The following AXIN1 variants were observed in gnomAD, a reference collection of about 807,000 sequenced individuals.
AXIN1 encodes axin-1.
In AXIN1, 30 loss-of-function variants were observed where a neutral mutation model predicts 76.4. That is an observed-to-expected ratio of 0.39 (90% CI 0.29 to 0.53). The LOEUF is 0.53. Ranked by LOEUF, AXIN1 falls within the 20% of genes least tolerant of loss-of-function variation. The pLI is 0.66. For missense variants in AXIN1, 1,140 were observed against 1,198.8 expected, an observed-to-expected ratio of 0.95 and a Z score of 0.72; for synonymous variants, 545 against 501.4, an observed-to-expected ratio of 1.09 and a Z score of -1.16.
intron 3 of AXIN1, among the ~76,000 whole-genome samples, chr16:311,754 G>A (rs1243614596): frequency 6.6e-6 from 1 of 152,126 alleles, no homozygotes; most frequent in African/African-American, 2.4e-5. Context: ...CTGGGCAACA[G>A]AGCAAGACTA....
rs2052493398 is a variant in AXIN1, at chr16:289,561, C to A, written c.2341G>T (p.Asp781Tyr). The stretch of plus-strand genomic sequence containing the variant: ...AAGTAGTACGCCACAACGATGCTGT[C>A]ACACGGCTGGGCACTCCCGCCGCCC... The part of the protein sequence containing the change: ...KVGGGSAQPC[D>Y]SIVVAYYFCG... The change falls in exon 10 of 11, where the codon GAC (aspartate) becomes TAC (tyrosine). Residue 781 changes from aspartate (D) to tyrosine (Y), a missense_variant. Around this residue, in one of 3 missense-constraint regions of AXIN1, gnomAD observed 429 missense variants for 405.8 expected, o/e 1.06. Transcript: ENST00000262320. The A allele has an allele frequency of 6.2e-7, 1 of 1,613,010 alleles. No homozygotes were observed. Among genetic ancestry groups the A allele is most frequent in the East Asian group, 2.2e-5 (1 of 44,880 alleles).
At chr16:339,773 C>A (rs1298733348) in intron 2 of AXIN1, among the ~76,000 whole-genome samples, 1 of 152,160 alleles carries the variant, frequency 6.6e-6, no homozygotes, top group Non-Finnish European at 1.5e-5. Context: ...GCAAGGGGAG[C>A]CCACGCAAGG....
At chr16:297,371 C>T in intron 6 of AXIN1, 145 bp from the exon 7 acceptor site, 2 of 1,054,344 alleles carry the variant, frequency 1.9e-6, no homozygotes, top group Non-Finnish European at 2.8e-6. Flanking sequence ...TGTCCCCCAC[C>T]CGCTGTCCCC....
At chr16:329,272 CAAAAA>C (rs1176095680) in intron 2 of AXIN1, among the ~76,000 whole-genome samples, 2,431 of 71,308 alleles carry the variant, frequency 0.034, 58 homozygotes, top group African/African-American at 0.12. Context: ...GCGAGACTGT[CAAAAA>C]AAAAAAAAAA....
intron 2 of AXIN1, among the ~76,000 whole-genome samples, chr16:332,062 G>A (rs1005121340): frequency 1.5e-4 from 23 of 152,056 alleles, no homozygotes; most frequent in Non-Finnish European, 1.6e-4. Flanking sequence ...TTAGGGGCTC[G>A]CGGATGGCCT....
intron 1 of AXIN1, among the ~76,000 whole-genome samples, chr16:349,015 A>G (rs1222615656): frequency 1.3e-5 from 2 of 151,696 alleles, no homozygotes; most frequent in South Asian, 2.1e-4. Flanking sequence ...GGAGAATGGC[A>G]TGAACCCGGG....
At chr16:304,614 A>G (rs1381621659) in intron 4 of AXIN1, among the ~76,000 whole-genome samples, 173 bp from the exon 5 acceptor site, 1 of 152,106 alleles carries the variant, frequency 6.6e-6, no homozygotes. Context: ...GGCTCACTGC[A>G]ACCTCTGCTT....
intron 8 of AXIN1, chr16:292,049 A>G (rs1259390287): frequency 2.0e-5 from 3 of 153,284 alleles, no homozygotes; most frequent in African/African-American, 7.2e-5. Flanking sequence ...ATCCCCTGCC[A>G]TCATGTGGGG....
In AXIN1 at chr16:297,987, C is replaced by T. The variant is rs2141512616; in HGVS notation, c.1519G>A (p.Gly507Arg). The change falls in exon 6 of 11, where the codon GGG becomes AGG. Residue 507 changes from glycine to arginine, a missense_variant. Coordinates refer to ENST00000262320, the MANE Select transcript of AXIN1 (RefSeq NM_003502.4). ...TTCCCGTGCCCCGAGGCGGCACCCC[C>T]CAGTGCCACTGGCATCTTGGCCACG... ...GHVAKMPVAL[G>R]GAASGHGKHV... The T allele has an allele frequency of 1.2e-6, 2 of 1,601,632 alleles. No individual in the cohort carries two copies.
intron 2 of AXIN1, among the ~76,000 whole-genome samples, chr16:329,542 C>A (rs992586092): frequency 5.3e-5 from 8 of 151,768 alleles, no homozygotes; most frequent in Non-Finnish European, 1.0e-4. Flanking sequence ...GCCTCCCGGG[C>A]TCAAGCAATT....
At chr16:295,043 A>G (rs529719568) in intron 7 of AXIN1, among the ~76,000 whole-genome samples, 586 of 148,602 alleles carry the variant, frequency 3.9e-3, no homozygotes, top group Non-Finnish European at 7.1e-3. Context: ...CAGCCTGGGC[A>G]ACAGAGCAAG....
intron 2 of AXIN1, among the ~76,000 whole-genome samples, chr16:333,568 A>G (rs2053738306): frequency 1.3e-5 from 2 of 152,058 alleles, no homozygotes. Flanking sequence ...GATAAAGAAA[A>G]CATCCAAAAA....
chr16:302,584 G>T (rs943577380), intron 5 of AXIN1, among the ~76,000 whole-genome samples: 1 of 152,168 alleles, frequency 6.6e-6, no homozygotes, highest in East Asian at 1.9e-4. Flanking sequence ...CGGTTTCCCA[G>T]ATGGGCACCA....
In AXIN1 at chr16:347,079, T is replaced by C. The variant is rs2141711410; in HGVS notation, c.-54A>G. On this transcript the variant is annotated 5_prime_UTR_variant, in exon 2 of 11. Coordinates refer to ENST00000262320, the MANE Select transcript of AXIN1 (RefSeq NM_003502.4). Reference sequence around the variant, plus strand: ...GCGCTGCACCCTAATACATCAGTACTTACAGCTCCAAAGTGAATCAATCTG... The same window carrying C: ...GCGCTGCACCCTAATACATCAGTACCTACAGCTCCAAAGTGAATCAATCTG... 6.2e-7 allele frequency: 1 copy of C among 1,612,600 alleles called. No individual in the cohort carries two copies. The highest frequency in any genetic ancestry group is 8.5e-7 in the Non-Finnish European group (1 of 1,180,006).
intron 2 of AXIN1, among the ~76,000 whole-genome samples, chr16:324,199 T>A (rs1419760968): frequency 2.0e-5 from 3 of 152,206 alleles, no homozygotes; most frequent in African/African-American, 7.2e-5. Context: ...TACGGGTCTT[T>A]ACGGGTCTTC....
chr16:304,720 G>C (rs1037332993), intron 4 of AXIN1, among the ~76,000 whole-genome samples: 3 of 151,928 alleles, frequency 2.0e-5, no homozygotes, highest in Non-Finnish European at 4.4e-5. Context: ...TTCTTAGTAG[G>C]GATGGGGTTT....
chr16:320,743 A>ATATATATATATATTTTTTTT (rs397722732), intron 2 of AXIN1, among the ~76,000 whole-genome samples: 2 of 107,664 alleles, frequency 1.9e-5, no homozygotes, highest in African/African-American at 9.2e-5. Context: ...ATATATATAT[A>ATATATATATATATTTTTTTT]TTTTTTTTTT....
intron 2 of AXIN1, among the ~76,000 whole-genome samples, chr16:345,427 T>A (rs58169432): frequency 0.061 from 9,343 of 152,260 alleles, 926 homozygotes; most frequent in African/African-American, 0.21. Context: ...ATAAAAGCAA[T>A]AATCTGGCCG....
intron 9 of AXIN1, 154 bp from the exon 10 acceptor site, chr16:289,761 G>T: frequency 1.1e-6 from 1 of 896,496 alleles, no homozygotes; most frequent in Non-Finnish European, 1.7e-6. Context: ...CCCCCGCACA[G>T]CATCTCAATC....
Sources: gnomAD v4.1 joint callset for allele counts (sites outside exome capture counted in the v4.1 genomes callset) on GRCh38, gnomAD v4.1.1 for gene constraint, gnomAD v4.1.1 regional missense constraint, MANE v1.5 for transcripts, NCBI Gene and HGNC (gene_info 2026-07-23, HGNC 2026-07-21) for gene names.